NFIB: variants seen among roughly 807,000 people sequenced by gnomAD.
NFIB encodes the protein nuclear factor I B, also known as nuclear factor 1 B-type.
NFIB carries 11 observed loss-of-function variants against 61.5 expected under a neutral mutation model. The observed-to-expected ratio is 0.18, with a 90% confidence interval of 0.11 to 0.30. The LOEUF is 0.30. Among genes scored for constraint, NFIB ranks in the 10% least tolerant of loss-of-function variants. NFIB has a pLI of 1.00. For missense variants in NFIB, 471 were observed against 608.9 expected, an observed-to-expected ratio of 0.77 and a Z score of 2.38; for synonymous variants, 260 against 216.5, an observed-to-expected ratio of 1.20 and a Z score of -1.76.
chr9:14,419,602 A>C, the NFIB span, among the ~76,000 whole-genome samples: 1 of 152,230 alleles, frequency 6.6e-6, no homozygotes, highest in African/African-American at 2.4e-5. Flanking sequence ...CTTGCATGTT[A>C]CGTAGCTGGC....
chr9:14,471,118 TA>T, the NFIB span, among the ~76,000 whole-genome samples: 1 of 152,224 alleles, frequency 6.6e-6, no homozygotes, highest in South Asian at 2.1e-4. Flanking sequence ...AGGTTACTAT[TA>T]AAAAATACTG....
At chr9:14,519,850 G>C in the NFIB span, among the ~76,000 whole-genome samples, 1 of 152,180 alleles carries the variant, frequency 6.6e-6, no homozygotes, top group African/African-American at 2.4e-5. Context: ...GTTGAGCCCA[G>C]ATAGTCTAGC....
chr9:14,244,133 T>C (rs2132064417), intron 2 of NFIB, among the ~76,000 whole-genome samples: 1 of 152,324 alleles, frequency 6.6e-6, no homozygotes, highest in East Asian at 1.9e-4. Context: ...CAAGAATGGC[T>C]ATTGTGTATG....
chr9:14,299,327 T>C (rs960692988), intron 2 of NFIB, among the ~76,000 whole-genome samples: 3 of 152,198 alleles, frequency 2.0e-5, no homozygotes, highest in Non-Finnish European at 4.4e-5. Context: ...AGACTATATA[T>C]GTGTCGCTTA....
chr9:14,516,472 A>G, the NFIB span, among the ~76,000 whole-genome samples: 3 of 151,810 alleles, frequency 2.0e-5, no homozygotes, highest in Non-Finnish European at 4.4e-5. Flanking sequence ...CTGTTATCTC[A>G]AAAAAAAGGC....
Position 14,307,580 on chromosome 9 carries a change from A to C in NFIB, c.31-60T>G. 6.9e-7 allele frequency: 1 copy of C among 1,456,688 alleles called. No homozygotes were observed. Among genetic ancestry groups the C allele is most frequent in the South Asian group, 1.5e-5 (1 of 64,852 alleles). The allele number at this position is 1,456,688 out of a possible 1,614,324, so 90.2% of individuals were successfully genotyped here. On this transcript the variant is annotated intron_variant, in intron 1 of 10. Coordinates refer to ENST00000380953, the MANE Select transcript of NFIB (RefSeq NM_001190737.2). The surrounding 1 kb of genome is among the most constrained non-coding windows in gnomAD (Gnocchi z 5.3). ...ATAGTCAGTTTAATTTTAAAAGCTC[A>C]AAAAATAAGAAAAGAAGACCACAAC...
chr9:14,373,642 G>GTA (rs1491309103), intron 1 of NFIB, among the ~76,000 whole-genome samples: 3 of 25,860 alleles, frequency 1.2e-4, no homozygotes, highest in Non-Finnish European at 2.4e-4. Flanking sequence ...GTCCACATGA[G>GTA]TGTGTGTGTG....
the NFIB span, among the ~76,000 whole-genome samples, chr9:14,430,822 TC>T: frequency 6.6e-6 from 1 of 152,136 alleles, no homozygotes; most frequent in Non-Finnish European, 1.5e-5. Context: ...CCTCAAGTGA[TC>T]CAGCCACCTC....
At chr9:14,160,435 TA>T (rs890368945) in intron 3 of NFIB, among the ~76,000 whole-genome samples, 20 of 150,758 alleles carry the variant, frequency 1.3e-4, no homozygotes, top group South Asian at 6.3e-4. Context: ...TTCTTGAAAT[TA>T]AAAAAAAAGA....
intron 3 of NFIB, among the ~76,000 whole-genome samples, chr9:14,156,434 C>G (rs545403445): frequency 1.3e-5 from 2 of 152,350 alleles, no homozygotes; most frequent in East Asian, 3.9e-4. Context: ...ACAGCAAATA[C>G]AGAACTTTGC....
intron 1 of NFIB, among the ~76,000 whole-genome samples, chr9:14,360,768 T>C (rs1472614303): frequency 6.6e-6 from 1 of 152,008 alleles, no homozygotes; most frequent in African/African-American, 2.4e-5. Flanking sequence ...ATGGTCTCGA[T>C]CTCCTGACCT....
chr9:14,395,380 T>TG (rs1427197993), intron 1 of NFIB, among the ~76,000 whole-genome samples: 1 of 151,234 alleles, frequency 6.6e-6, no homozygotes, highest in Non-Finnish European at 1.5e-5. Flanking sequence ...GGATCCTGTT[T>TG]GAAAAAAATA....
At chr9:14,291,027 T>C (rs2059059025) in intron 2 of NFIB, among the ~76,000 whole-genome samples, 1 of 152,136 alleles carries the variant, frequency 6.6e-6, no homozygotes, top group Non-Finnish European at 1.5e-5. Context: ...ACTGTCAAAC[T>C]AGAAATTAGC....
the NFIB span, among the ~76,000 whole-genome samples, chr9:14,412,447 C>A: frequency 6.6e-6 from 1 of 152,206 alleles, no homozygotes; most frequent in Non-Finnish European, 1.5e-5. Flanking sequence ...AGCTAAGGAA[C>A]AAGTTGACAG....
At chr9:14,522,524 G>T in the NFIB span, among the ~76,000 whole-genome samples, 1 of 152,130 alleles carries the variant, frequency 6.6e-6, no homozygotes, top group Non-Finnish European at 1.5e-5. Context: ...TATCACATAG[G>T]ATTCCACGAT....
At chr9:14,258,831 T>C (rs1176204205) in intron 2 of NFIB, among the ~76,000 whole-genome samples, 2 of 152,348 alleles carry the variant, frequency 1.3e-5, no homozygotes, top group South Asian at 4.1e-4. Flanking sequence ...CACACATGTA[T>C]ACGTGCACAC....
chr9:14,319,736 G>A (rs910300860), intron 1 of NFIB, among the ~76,000 whole-genome samples: 1 of 152,200 alleles, frequency 6.6e-6, no homozygotes, highest in African/African-American at 2.4e-5. Flanking sequence ...TATAAAAAGT[G>A]CATGGCAGAG....
intron 1 of NFIB, among the ~76,000 whole-genome samples, chr9:14,310,652 A>G (rs1477809658): frequency 1.3e-5 from 2 of 152,224 alleles, no homozygotes; most frequent in South Asian, 2.1e-4. Flanking sequence ...AGCAAAACAT[A>G]TAAGTGATTT....
intron 2 of NFIB, among the ~76,000 whole-genome samples, chr9:14,278,880 A>G (rs1197028093): frequency 6.6e-6 from 1 of 152,184 alleles, no homozygotes; most frequent in East Asian, 1.9e-4. Context: ...TGAGGGGAAA[A>G]AAATGTGTTA....
Sources: allele counts gnomAD v4.1 joint callset (sites outside exome capture counted in the v4.1 genomes callset), GRCh38; gene constraint gnomAD v4.1.1; non-coding constraint Gnocchi (gnomAD v3.1); transcripts MANE v1.5; gene names NCBI Gene and HGNC (gene_info 2026-07-23, HGNC 2026-07-21).